The following CENPE variants were observed in gnomAD, a reference collection of about 807,000 sequenced individuals.
CENPE encodes the protein centromere-associated protein E.
A neutral mutation model predicts 336.1 loss-of-function variants in CENPE; 145 were observed. The observed-to-expected ratio is 0.43, with a 90% CI of 0.38 to 0.50. The LOEUF is 0.50. CENPE is among the 20% of genes least tolerant of loss of function. The probability of loss-of-function intolerance (pLI) is 0.00; values close to 1 mark genes in which losing one functional copy is unlikely to be tolerated. For synonymous variants in CENPE, 1,013 were observed against 984.8 expected, an observed-to-expected ratio of 1.03 and a Z score of -0.54; for missense variants, 2,719 against 3,023.3, an observed-to-expected ratio of 0.90 and a Z score of 2.36.
At chr4:103,165,580 C>T (rs1237223516) in intron 16 of CENPE, among the ~76,000 whole-genome samples, 1 of 152,130 alleles carries the variant, frequency 6.6e-6, no homozygotes, top group Admixed American at 6.5e-5. Flanking sequence ...TTGCTACATA[C>T]ACATAGACTT....
chr4:103,180,230 T>G, intron 13 of CENPE, 81 bp downstream of exon 13: 1 of 1,264,594 alleles, frequency 7.9e-7, no homozygotes, highest in South Asian at 1.7e-5. Flanking sequence ...GGATAGAAAG[T>G]GCATACTATA....
chr4:103,116,688 T>C lies in CENPE; in HGVS notation c.7331A>G (p.Asp2444Gly), dbSNP rs948995140. 1.3e-6 allele frequency: 2 copies of C among 1,527,276 alleles called. No homozygotes were observed. The highest frequency in any genetic ancestry group is 1.8e-6 in the Non-Finnish European group (2 of 1,130,134). The allele number at this position is 1,527,276 out of a possible 1,614,324, so 94.6% of individuals were successfully genotyped here. ...KTKETIQVLQ[D>G]KVALGAKPYK... ...TGGCTTAGCTCCTAAAGCAACTTTG[T>C]CCTAAATTTTTTTTAGAGAAAATAA... The change falls in exon 45 of 49, where the codon GAC becomes GGC. Residue 2444 changes from aspartate to glycine, a missense_variant and splice_region_variant. Around this residue, in one of 5 missense-constraint regions of CENPE, gnomAD observed 2,437 missense variants for 2,513.3 expected, o/e 0.97. Coordinates refer to ENST00000265148, the MANE Select transcript of CENPE (RefSeq NM_001813.3).
intron 21 of CENPE, 130 bp from the exon 22 acceptor site, chr4:103,159,454 C>A: frequency 1.9e-6 from 1 of 539,122 alleles, no homozygotes; most frequent in Non-Finnish European, 3.2e-6. Flanking sequence ...TGTGGAAAGG[C>A]AATATAGTAG....
chr4:103,119,017 A>G (rs988644104), intron 44 of CENPE, among the ~76,000 whole-genome samples: 1 of 152,134 alleles, frequency 6.6e-6, no homozygotes, highest in Non-Finnish European at 1.5e-5. Context: ...CACATCCTTC[A>G]GATCATCTTA....
chr4:103,149,298 G>C lies in CENPE; in HGVS notation c.3507C>G (p.Asn1169Lys), dbSNP rs199647753. 4 of 1,611,826 alleles carry C rather than the reference G, an allele frequency of 2.5e-6. No individual in the cohort carries two copies. In the African/African-American group the frequency reaches 5.3e-5, roughly 22 times the overall value. Reference protein sequence around the residue: ...EIENLKNELKNKELTLEHMET... With the variant: ...EIENLKNELKKKELTLEHMET... ...CCATATGTTCCAATGTCAATTCTTT[G>C]TTCTTTAATTCATTCTTTAAATTCT... The change falls in exon 27 of 49, where the codon AAC (asparagine) becomes AAG (lysine). Residue 1169 changes from asparagine (N) to lysine (K), a missense_variant. Physicochemically the swap from Asn to Lys is moderately conservative, Grantham distance 94. Coordinates refer to ENST00000265148, the MANE Select transcript of CENPE (RefSeq NM_001813.3).
intron 16 of CENPE, among the ~76,000 whole-genome samples, chr4:103,167,718 A>G (rs143663185): frequency 1.1e-3 from 175 of 152,318 alleles, no homozygotes; most frequent in African/African-American, 3.9e-3. Context: ...AGTGCATACC[A>G]ACACCCAGGT....
In CENPE at chr4:103,166,459, T is replaced by C. The variant is rs111615695; in HGVS notation, c.1648-2906A>G. 1.7e-3 allele frequency among the ~76,000 whole-genome samples: 254 copies of C among 152,334 alleles called. 3 individuals are homozygous for C. The highest frequency in any genetic ancestry group is 5.7e-3 in the African/African-American group (238 of 41,586). ...GTCATGCATGACATTTTGCACTTCA[T>C]TAACATGCATTTTAAAACAAGCTAA... On this transcript the variant is annotated intron_variant, in intron 16 of 48. Transcript: ENST00000265148.
Position 103,153,264 on chromosome 4 carries a change from ACAT to A in CENPE, c.3034-17_3034-15del. ...TATGCCAACCATCTAAAACATAAAC[ACAT>A]TACAGAAGAATTTCTTAAGTAGTTA... On this transcript the variant is annotated splice_polypyrimidine_tract_variant and intron_variant, in intron 24 of 48. Transcript: ENST00000265148. The A allele has an allele frequency of 6.5e-7, 1 of 1,548,158 alleles. No individual in the cohort carries two copies. Among genetic ancestry groups the A allele is most frequent in the Non-Finnish European group, 8.8e-7 (1 of 1,140,582 alleles).
At chr4:103,176,543 T>C (rs1427899062) in intron 14 of CENPE, among the ~76,000 whole-genome samples, 1 of 152,112 alleles carries the variant, frequency 6.6e-6, no homozygotes, top group Admixed American at 6.5e-5. Context: ...AAAGAACTTA[T>C]GATTACTTTC....
chr4:103,147,721 TCTCA>T, intron 28 of CENPE, 75 bp from the exon 29 acceptor site: 1 of 1,325,788 alleles, frequency 7.5e-7, no homozygotes, highest in Non-Finnish European at 1.0e-6. Context: ...TGAGACGGCA[TCTCA>T]CTCTGTTGCC....
intron 25 of CENPE, among the ~76,000 whole-genome samples, chr4:103,151,902 G>A (rs1277499074): frequency 6.6e-6 from 1 of 152,166 alleles, no homozygotes; most frequent in South Asian, 2.1e-4. Flanking sequence ...ACCATTGTTT[G>A]TTTGTGTGCT....
chr4:103,170,077 G>A (rs1208562793), intron 16 of CENPE, among the ~76,000 whole-genome samples: 1 of 152,054 alleles, frequency 6.6e-6, no homozygotes, highest in Non-Finnish European at 1.5e-5. Flanking sequence ...AGTGGGAGTT[G>A]AACAATGAGA....
Position 103,174,749 on chromosome 4 carries a change from T to C in CENPE, c.1634A>G (p.Lys545Arg). 6.6e-7 allele frequency: 1 copy of C among 1,524,456 alleles called. No homozygotes were observed. Among genetic ancestry groups the C allele is most frequent in the Non-Finnish European group, 8.8e-7 (1 of 1,138,532 alleles). 94.4% of individuals were successfully genotyped at this position (1,524,456 alleles called of 1,614,324 possible). ...TGTCTCTCTTACCTCTTGATCTTTT[T>C]TAGTTTTTCTTTCTAGAGCCTCAAA... ...DEFEALERKTKKDQEMQLIHE... is the reference protein window; with the variant it reads ...DEFEALERKTRKDQEMQLIHE... Residue 545 changes from lysine (K) to arginine (R), a missense_variant, in exon 16 of 49, where the codon AAA becomes AGA. By Grantham distance (26) the Lys-to-Arg change is conservative. Around this residue, in one of 5 missense-constraint regions of CENPE, gnomAD observed 2,437 missense variants for 2,513.3 expected, o/e 0.97. Coordinates refer to ENST00000265148, the MANE Select transcript of CENPE (RefSeq NM_001813.3).
chr4:103,147,040 C>T (rs1258185078), intron 29 of CENPE, among the ~76,000 whole-genome samples: 1 of 152,126 alleles, frequency 6.6e-6, no homozygotes, highest in African/African-American at 2.4e-5. Flanking sequence ...ATTAAAGGAA[C>T]AGGTTTAAAA....
intron 39 of CENPE, among the ~76,000 whole-genome samples, chr4:103,137,256 A>G (rs903864833): frequency 3.9e-5 from 6 of 152,146 alleles, no homozygotes; most frequent in African/African-American, 7.2e-5. Context: ...TAAAGCACCC[A>G]GTATGGTACC....
chr4:103,175,916 A>G (rs1755813912), intron 15 of CENPE, 44 bp downstream of exon 15: 1 of 1,211,082 alleles, frequency 8.3e-7, no homozygotes, highest in Admixed American at 2.3e-5. Flanking sequence ...AAAGAATTTT[A>G]AAAAGAGTAA....
In CENPE at chr4:103,122,993, T is replaced by C. The variant is rs765224508; in HGVS notation, c.7021A>G (p.Lys2341Glu). The C allele has an allele frequency of 1.2e-6, 2 of 1,613,952 alleles. No homozygotes were observed. Among genetic ancestry groups the C allele is most frequent in the South Asian group, 2.2e-5 (2 of 91,074 alleles). Residue 2341 changes from lysine (K) to glutamate (E), a missense_variant, in exon 43 of 49, where the codon AAA (lysine) becomes GAA (glutamate). Around this residue, in one of 5 missense-constraint regions of CENPE, gnomAD observed 2,437 missense variants for 2,513.3 expected, o/e 0.97. Coordinates refer to ENST00000265148, the MANE Select transcript of CENPE (RefSeq NM_001813.3). ...DLKSLKEKNE[K>E]LFKNYQTLKT... ...AATGTTTGGTAGTTTTTAAATAGTT[T>C]TTCATTTTTCTCTTTCAGTGATTTC...
chr4:103,188,957 G>A (rs527640363), intron 8 of CENPE, among the ~76,000 whole-genome samples: 18 of 152,056 alleles, frequency 1.2e-4, no homozygotes, highest in South Asian at 4.1e-4. Flanking sequence ...ATGATAAAGG[G>A]GATATCATCA....
intron 8 of CENPE, among the ~76,000 whole-genome samples, chr4:103,188,340 A>C (rs1756990749): frequency 6.6e-6 from 1 of 152,248 alleles, no homozygotes; most frequent in Non-Finnish European, 1.5e-5. Context: ...AACAGAATAT[A>C]CATTCTTCTC....
Sources: gnomAD v4.1 joint callset for allele counts (sites outside exome capture counted in the v4.1 genomes callset) on GRCh38, gnomAD v4.1.1 for gene constraint, gnomAD v4.1.1 regional missense constraint, MANE v1.5 for transcripts, NCBI Gene and HGNC (gene_info 2026-07-23, HGNC 2026-07-21) for gene names.